PDXDC1: variants seen among roughly 807,000 people sequenced by gnomAD.
PDXDC1 encodes the protein pyridoxal dependent decarboxylase domain containing 1.
In PDXDC1, 42 loss-of-function variants were observed where a neutral mutation model predicts 100.1. The observed-to-expected ratio is 0.42, with a 90% CI of 0.33 to 0.54. PDXDC1 has a LOEUF of 0.54. PDXDC1 is among the 20% of genes least tolerant of loss of function. PDXDC1 has a pLI of 0.10. For synonymous variants in PDXDC1, 260 were observed against 371.7 expected (o/e 0.70, Z 3.46); for missense variants, 636 against 979.2 (o/e 0.65, Z 4.68).
intron 14 of PDXDC1, among the ~76,000 whole-genome samples, chr16:15,027,941 C>T (rs1180848862): frequency 2.0e-5 from 3 of 152,396 alleles, no homozygotes; most frequent in Non-Finnish European, 2.9e-5. Context: ...ACCCGCCTTT[C>T]TCTCCCCAGC....
At chr16:14,979,937 T>C (rs1402983151) in intron 1 of PDXDC1, among the ~76,000 whole-genome samples, 3 of 152,288 alleles carry the variant, frequency 2.0e-5, no homozygotes, top group Admixed American at 6.5e-5. Context: ...CTCTTTTATA[T>C]AGAATGAGAG....
chr16:15,025,007 C>G (rs1205537057), intron 13 of PDXDC1, among the ~76,000 whole-genome samples: 4 of 152,312 alleles, frequency 2.6e-5, no homozygotes, highest in African/African-American at 9.6e-5. Context: ...AGACATGCTC[C>G]CATCCCCTGC....
chr16:15,150,269 C>A, the PDXDC1 span, among the ~76,000 whole-genome samples: 103 of 151,562 alleles, frequency 6.8e-4, no homozygotes, highest in Non-Finnish European at 1.1e-3. Context: ...TGAACCCAGG[C>A]GGCGGAGCTT....
intron 12 of PDXDC1, among the ~76,000 whole-genome samples, chr16:15,022,477 G>A (rs113671689): frequency 0.011 from 1,594 of 151,780 alleles, no homozygotes; most frequent in Non-Finnish European, 0.016. Context: ...AGATTTCCAT[G>A]TCTTATTAGA....
chr16:15,055,794 GC>G (rs2044487253), intron 16 of PDXDC1: 1 of 635,590 alleles, frequency 1.6e-6, no homozygotes, highest in African/African-American at 1.9e-5. Flanking sequence ...TGCCAACAGC[GC>G]CAAGTTTCAA....
At chr16:15,141,992 G>A (rs2048483083), downstream of PDXDC1, among the ~76,000 whole-genome samples, 1 of 152,180 alleles carries the variant, frequency 6.6e-6, no homozygotes, top group African/African-American at 2.4e-5. Context: ...GGGGCGAGAG[G>A]TGCTGCAGAG....
chr16:15,062,052 G>A (rs902062338), intron 16 of PDXDC1: 1 of 755,170 alleles, frequency 1.3e-6, no homozygotes, highest in African/African-American at 1.7e-5. Context: ...AGTGGCACAC[G>A]CCTGTAGTCC....
chr16:14,993,133 AT>A (rs1157908585), intron 1 of PDXDC1, among the ~76,000 whole-genome samples: 2,925 of 151,192 alleles, frequency 0.019, no homozygotes, highest in African/African-American at 0.068. Context: ...TTAAAAAAAA[AT>A]TTTTTTTTTA....
intron 16 of PDXDC1, chr16:15,126,024 A>T (rs1476139514): frequency 1.7e-6 from 1 of 593,060 alleles, no homozygotes; most frequent in East Asian, 2.8e-5. Flanking sequence ...GCTAAGGAAC[A>T]GAGTTTTCAA....
At chr16:15,126,208 G>C (rs1483075134) in intron 16 of PDXDC1, among the ~76,000 whole-genome samples, 1 of 150,726 alleles carries the variant, frequency 6.6e-6, no homozygotes, top group Non-Finnish European at 1.5e-5. Flanking sequence ...CTGATTTTTT[G>C]TATTTTTAGT....
At chr16:15,038,660 CT>C, downstream of PDXDC1, 1 of 1,598,438 alleles carries the variant, frequency 6.3e-7, no homozygotes, top group South Asian at 1.1e-5. Context: ...CGAAGTTGTT[CT>C]GTCTCTGCAT....
intron 1 of PDXDC1, among the ~76,000 whole-genome samples, chr16:14,984,315 C>CTTTTTTTT (rs1167894912): frequency 9.4e-6 from 1 of 106,840 alleles, no homozygotes; most frequent in Non-Finnish European, 1.8e-5. Context: ...GCACCCCCGC[C>CTTTTTTTT]TTTTTTTTTT....
At chr16:15,141,123 C>T (rs1157078315), downstream of PDXDC1, among the ~76,000 whole-genome samples, 1 of 136,114 alleles carries the variant, frequency 7.3e-6, no homozygotes, top group Non-Finnish European at 1.7e-5. Flanking sequence ...CCGCCCAGCC[C>T]CTGCCGGCCT....
chr16:15,133,505 A>G (rs2048207055), intron 16 of PDXDC1: 2 of 874,890 alleles, frequency 2.3e-6, no homozygotes, highest in Non-Finnish European at 3.7e-6. Flanking sequence ...GAGGGCGACC[A>G]CAGCGGCTCC....
chr16:15,104,822 C>G (rs2046733120), intron 16 of PDXDC1: 2 of 1,523,270 alleles, frequency 1.3e-6, no homozygotes, highest in African/African-American at 2.7e-5. Context: ...TTACCGCCAC[C>G]AACACAGTCT....
At chr16:15,075,217 G>A (rs890800939) in intron 16 of PDXDC1, among the ~76,000 whole-genome samples, 1 of 148,268 alleles carries the variant, frequency 6.7e-6, no homozygotes, top group African/African-American at 2.5e-5. Flanking sequence ...GTGTGCTCCA[G>A]CCTGGGCAAC....
At chr16:14,991,641 C>T (rs913125757) in intron 1 of PDXDC1, among the ~76,000 whole-genome samples, 2 of 152,190 alleles carry the variant, frequency 1.3e-5, no homozygotes, top group African/African-American at 4.8e-5. Flanking sequence ...GCCTCAGCCT[C>T]CTGAGTAGCT....
At chr16:15,098,003 A>G (rs1426514812) in intron 16 of PDXDC1, among the ~76,000 whole-genome samples, 2 of 125,154 alleles carry the variant, frequency 1.6e-5, no homozygotes, top group East Asian at 5.0e-4. Context: ...GTGCAGTGGC[A>G]TGATCTCCCG....
chr16:15,080,822 A>C (rs1287608197), intron 16 of PDXDC1, among the ~76,000 whole-genome samples: 1 of 64,170 alleles, frequency 1.6e-5, no homozygotes, highest in Admixed American at 2.3e-4. Context: ...CTTTCTATGA[A>C]TCTGCCTCTT....
Sources: gnomAD v4.1 joint callset for allele counts (sites outside exome capture counted in the v4.1 genomes callset) on GRCh38, gnomAD v4.1.1 for gene constraint, MANE v1.5 for transcripts, NCBI Gene and HGNC (gene_info 2026-07-23, HGNC 2026-07-21) for gene names.